The following LRRK1 variants were observed in gnomAD, a reference collection of about 807,000 sequenced individuals.
LRRK1 encodes the protein leucine rich repeat kinase 1, also known as leucine-rich repeat serine/threonine-protein kinase 1.
A neutral mutation model predicts 209.1 loss-of-function variants in LRRK1; 113 were observed. That is an observed-to-expected ratio of 0.54 (90% confidence interval 0.46 to 0.63). The LOEUF (loss-of-function observed/expected upper bound fraction) is 0.63. Ranked by LOEUF, LRRK1 falls within the 30% of genes least tolerant of loss-of-function variation. The pLI is 0.00. For missense variants in LRRK1, 2,284 were observed against 2,632.2 expected (o/e 0.87, Z 2.89); for synonymous variants, 1,144 against 1,099.7 (o/e 1.04, Z -0.80).
chr15:101,058,617 C>CGGGGGGTGGG (rs2035958159), intron 29 of LRRK1, among the ~76,000 whole-genome samples: 1 of 75,366 alleles, frequency 1.3e-5, no homozygotes, highest in East Asian at 3.7e-4. Context: ...GAAGGGGCAA[C>CGGGGGGTGGG]GGGGGGGGGC....
In LRRK1 at chr15:100,988,710, G is replaced by A. The variant is rs900291875; in HGVS notation, c.510G>A (p.Lys170=). The A allele has an allele frequency of 6.2e-7, 1 of 1,614,098 alleles. No individual in the cohort carries two copies. Among genetic ancestry groups the A allele is most frequent in the African/African-American group, 1.3e-5 (1 of 74,946 alleles). ...AGCGAGGGCACCTGGGGGTTGTGAAGCTCCTGGTCCTGACGCACGGGGCTG... is the reference window on the plus strand; with the variant it reads ...AGCGAGGGCACCTGGGGGTTGTGAAACTCCTGGTCCTGACGCACGGGGCTG... ...ACQRGHLGVV[K]LLVLTHGADP... The change falls in exon 5 of 34, where the codon AAG becomes AAA. Residue 170 remains lysine, a synonymous_variant. Coordinates refer to ENST00000388948, the MANE Select transcript of LRRK1 (RefSeq NM_024652.6).
At chr15:101,050,306 CTTCA>C (rs2035338366) in intron 23 of LRRK1, among the ~76,000 whole-genome samples, 1 of 152,178 alleles carries the variant, frequency 6.6e-6, no homozygotes, top group Non-Finnish European at 1.5e-5. Flanking sequence ...GGATCTGTTT[CTTCA>C]TTGATAGTTC....
At chr15:100,934,662 C>T (rs12904536) in intron 2 of LRRK1, among the ~76,000 whole-genome samples, 43,326 of 144,778 alleles carry the variant, frequency 0.3, 6,674 homozygotes, top group East Asian at 0.46. Context: ...ATTAGCCGGT[C>T]GTGGAGGCAC....
rs2033820213 is a variant in LRRK1 at position 101,022,062 on chromosome 15, C to T, written c.1852+105C>T. The T allele has an allele frequency of 1.3e-6, 1 of 776,858 alleles. No individual in the cohort carries two copies. Among genetic ancestry groups the T allele is most frequent in the Non-Finnish European group, 2.1e-6 (1 of 480,604 alleles). The allele number at this position is 776,858 out of a possible 1,614,324, so 48.1% of individuals were successfully genotyped here. On this transcript the variant is annotated intron_variant, in intron 14 of 33. Coordinates refer to ENST00000388948, the MANE Select transcript of LRRK1 (RefSeq NM_024652.6). The surrounding 1 kb of genome is among the most constrained non-coding windows in gnomAD (Gnocchi z 4.0). The stretch of plus-strand genomic sequence containing the variant: ...GAGACAGTTGGTGACCCATGGAGCC[C>T]AGCTCCAGGTTCCAGATTTGACAAG...
rs531972465 is a variant in LRRK1 at position 101,074,312 on chromosome 15, C to G, written c.*5464C>G. On this transcript the variant is annotated 3_prime_UTR_variant, in exon 34 of 34. Transcript: ENST00000388948. ...TCACCTCCCCTCCTCACACCCGGTC[C>G]GGCTTACAGTTTCCTTCCGTGACTA... 6.6e-5 allele frequency: 10 copies of G among 152,280 alleles called. No individual in the cohort carries two copies. Among genetic ancestry groups the G allele is most frequent in the Admixed American group, 2.0e-4 (3 of 15,298 alleles). 9.4% of individuals were successfully genotyped at this position (152,280 alleles called of 1,614,324 possible).
chr15:100,941,490 G>GTA (rs2042436355), intron 2 of LRRK1, among the ~76,000 whole-genome samples: 1 of 147,148 alleles, frequency 6.8e-6, no homozygotes, highest in African/African-American at 2.5e-5. Flanking sequence ...GTGTGTGTGT[G>GTA]TGTGTGTGTG....
chr15:100,951,301 T>C (rs1162962947), intron 2 of LRRK1, among the ~76,000 whole-genome samples: 1 of 152,062 alleles, frequency 6.6e-6, no homozygotes, highest in Non-Finnish European at 1.5e-5. Flanking sequence ...CAAGCGGTAG[T>C]CAGGATATGG....
intron 12 of LRRK1, among the ~76,000 whole-genome samples, chr15:101,017,959 T>A (rs942763311): frequency 2.0e-5 from 3 of 151,898 alleles, no homozygotes; most frequent in Non-Finnish European, 4.4e-5. Context: ...AACTTTGCTA[T>A]GAGGGAGATC....
At chr15:100,950,986 C>T (rs745381621) in intron 2 of LRRK1, among the ~76,000 whole-genome samples, 3 of 152,142 alleles carry the variant, frequency 2.0e-5, no homozygotes, top group African/African-American at 7.2e-5. Flanking sequence ...GCCTGTAGTC[C>T]CAGCTATTTG....
intron 16 of LRRK1, among the ~76,000 whole-genome samples, chr15:101,025,520 A>G (rs552154259): frequency 3.9e-4 from 60 of 152,374 alleles, no homozygotes; most frequent in Non-Finnish European, 7.2e-4. Context: ...AGACTATACA[A>G]GCATGGCTTC....
chr15:101,050,683 G>A (rs1324354991), intron 23 of LRRK1: 1 of 152,444 alleles, frequency 6.6e-6, no homozygotes, highest in African/African-American at 2.4e-5. Context: ...GTGGCTAAGA[G>A]GCAGTGGCAG....
At chr15:101,007,171 T>C (rs555214421) in intron 6 of LRRK1, among the ~76,000 whole-genome samples, 94 of 152,354 alleles carry the variant, frequency 6.2e-4, no homozygotes, top group Admixed American at 3.7e-3. Flanking sequence ...GGGATGCCCG[T>C]CACCTGCCGC....
intron 20 of LRRK1, among the ~76,000 whole-genome samples, chr15:101,045,071 C>T (rs1485643076): frequency 1.3e-5 from 2 of 152,226 alleles, no homozygotes; most frequent in African/African-American, 4.8e-5. Flanking sequence ...TTTCTCTCCC[C>T]ATTGTATACC....
At chr15:101,020,944 G>T (rs938006560) in intron 12 of LRRK1, 109 bp from the exon 13 acceptor site, 9 of 1,240,534 alleles carry the variant, frequency 7.3e-6, no homozygotes, top group Middle Eastern at 4.9e-4. Context: ...TGATAGGCTT[G>T]CCAAAATGCC....
intron 29 of LRRK1, among the ~76,000 whole-genome samples, chr15:101,059,392 T>C (rs1360530489): frequency 6.6e-6 from 1 of 151,188 alleles, no homozygotes; most frequent in Non-Finnish European, 1.5e-5. Context: ...AGTGAGACCC[T>C]GCCTCAGAAA....
intron 2 of LRRK1, among the ~76,000 whole-genome samples, chr15:100,970,442 C>T (rs2030785105): frequency 6.6e-6 from 1 of 152,312 alleles, no homozygotes; most frequent in South Asian, 2.1e-4. Flanking sequence ...TGTCAAAAAT[C>T]AATTGAATGT....
At chr15:100,955,070 C>T (rs891627947) in intron 2 of LRRK1, among the ~76,000 whole-genome samples, 3 of 152,122 alleles carry the variant, frequency 2.0e-5, no homozygotes, top group African/African-American at 7.2e-5. Flanking sequence ...ACAGGAATTG[C>T]ATTGAGTCTG....
At chr15:101,061,398 T>A (rs1262253786) in intron 30 of LRRK1, 110 bp downstream of exon 30, 4 of 715,594 alleles carry the variant, frequency 5.6e-6, no homozygotes, top group Non-Finnish European at 7.2e-6. Flanking sequence ...AAGTGAACTT[T>A]CAGATAACCC....
chr15:101,015,509 T>A (rs753930), intron 12 of LRRK1, 107 bp downstream of exon 12: 210,397 of 763,450 alleles, frequency 0.28, 29,840 homozygotes, highest in Middle Eastern at 0.39. Flanking sequence ...TCCCCTTCAA[T>A]GCCCTGTTGC....
Sources: gnomAD v4.1 joint callset for allele counts (sites outside exome capture counted in the v4.1 genomes callset) on GRCh38, gnomAD v4.1.1 for gene constraint, Gnocchi (gnomAD v3.1) non-coding constraint, MANE v1.5 for transcripts, NCBI Gene and HGNC (gene_info 2026-07-23, HGNC 2026-07-21) for gene names.